Variants in TRAPPC11 observed in about 807,000 individuals in gnomAD.
TRAPPC11 encodes foie gras homolog.
In TRAPPC11, 104 loss-of-function variants were observed where a neutral mutation model predicts 151.2. The ratio of observed to expected loss-of-function variants is 0.69; its 90% CI spans 0.59 to 0.81. TRAPPC11 has a LOEUF of 0.81. Ranked by LOEUF, TRAPPC11 falls within the 30% of genes least tolerant of loss-of-function variation. The pLI is 0.00. For missense variants in TRAPPC11, 1,230 were observed against 1,349.6 expected (o/e 0.91, Z 1.39); for synonymous variants, 456 against 472.3 (o/e 0.97, Z 0.45).
chr4:183,697,860 A>T, intron 25 of TRAPPC11, 25 bp downstream of exon 25: 1 of 1,604,400 alleles, frequency 6.2e-7, no homozygotes. Flanking sequence ...TTCCCACTTA[A>T]AGACCAGGAG....
intron 4 of TRAPPC11, 42 bp downstream of exon 4, chr4:183,667,172 C>G: frequency 6.7e-7 from 1 of 1,487,980 alleles, no homozygotes; most frequent in East Asian, 2.3e-5. Flanking sequence ...TTTATACCTC[C>G]AATTCTTATT....
intron 29 of TRAPPC11, among the ~76,000 whole-genome samples, chr4:183,712,170 A>C (rs560743734): frequency 6.6e-6 from 1 of 152,238 alleles, no homozygotes; most frequent in Non-Finnish European, 1.5e-5. Context: ...GGACCTGCTT[A>C]AAGCTTGAGA....
intron 8 of TRAPPC11, among the ~76,000 whole-genome samples, chr4:183,677,975 T>C (rs1735495802): frequency 6.6e-6 from 1 of 151,564 alleles, no homozygotes; most frequent in Non-Finnish European, 1.5e-5. Context: ...AGTTTTGCTC[T>C]GTTGCCAGGC....
intron 17 of TRAPPC11, 113 bp from the exon 18 acceptor site, chr4:183,686,505 T>C: frequency 8.3e-7 from 1 of 1,204,336 alleles, no homozygotes; most frequent in South Asian, 1.7e-5. Flanking sequence ...CAGAAGTCAG[T>C]AAGAATGGTC....
At chr4:183,679,289 A>C (rs1401891824) in intron 8 of TRAPPC11, 64 bp from the exon 9 acceptor site, 1 of 1,398,888 alleles carries the variant, frequency 7.1e-7, no homozygotes, top group Non-Finnish European at 9.5e-7. Flanking sequence ...AATAGTTTTT[A>C]AATGAATATG....
chr4:183,689,496 G>A (rs1033072193), intron 18 of TRAPPC11, among the ~76,000 whole-genome samples: 1 of 152,028 alleles, frequency 6.6e-6, no homozygotes, highest in African/African-American at 2.4e-5. Context: ...TGGTTTCACC[G>A]TTGTCTGTGT....
intron 1 of TRAPPC11, among the ~76,000 whole-genome samples, chr4:183,660,366 C>G (rs897515148): frequency 1.3e-5 from 2 of 152,034 alleles, no homozygotes; most frequent in Non-Finnish European, 2.9e-5. Flanking sequence ...GAAATACACA[C>G]CAGATTTTGA....
At chr4:183,664,624 C>T (rs184300289) in intron 2 of TRAPPC11, among the ~76,000 whole-genome samples, 8 of 152,086 alleles carry the variant, frequency 5.3e-5, no homozygotes, top group East Asian at 3.9e-4. Context: ...ATAGTAAAGA[C>T]GACTTTACCT....
chr4:183,679,565 A>G (rs1480010263), intron 9 of TRAPPC11, 79 bp downstream of exon 9: 49 of 1,289,554 alleles, frequency 3.8e-5, no homozygotes, highest in Non-Finnish European at 4.7e-5. Context: ...CTTTGGTTCT[A>G]AAACTGAACC....
At chr4:183,708,687 C>A in intron 29 of TRAPPC11, 113 bp downstream of exon 29, 1 of 983,556 alleles carries the variant, frequency 1.0e-6, no homozygotes, top group Non-Finnish European at 1.5e-6. Flanking sequence ...GATAGTTTTG[C>A]CTTTTATTAT....
intron 4 of TRAPPC11, among the ~76,000 whole-genome samples, chr4:183,667,796 C>G (rs1734958485): frequency 6.6e-6 from 1 of 152,172 alleles, no homozygotes; most frequent in African/African-American, 2.4e-5. Context: ...GTAGAAAATT[C>G]CACAGTGTTT....
At chr4:183,681,546 T>A (rs1037218627) in intron 10 of TRAPPC11, among the ~76,000 whole-genome samples, 1 of 152,152 alleles carries the variant, frequency 6.6e-6, no homozygotes, top group Non-Finnish European at 1.5e-5. Context: ...TTTGGGAGGC[T>A]GAGGTGGGCA....
chr4:183,702,817 A>G (rs1056141487), intron 26 of TRAPPC11, among the ~76,000 whole-genome samples: 1 of 152,182 alleles, frequency 6.6e-6, no homozygotes, highest in Non-Finnish European at 1.5e-5. Flanking sequence ...CAGAAATTTT[A>G]AAACAGGGAA....
chr4:183,707,484 A>G (rs1737132826), intron 28 of TRAPPC11, among the ~76,000 whole-genome samples: 1 of 152,200 alleles, frequency 6.6e-6, no homozygotes, highest in South Asian at 2.1e-4. Context: ...TTAAATGAGC[A>G]AACAAAATAC....
At chr4:183,710,401 C>T (rs992842008) in intron 29 of TRAPPC11, among the ~76,000 whole-genome samples, 1 of 152,058 alleles carries the variant, frequency 6.6e-6, no homozygotes, top group East Asian at 2.0e-4. Context: ...ATTCTCCTGC[C>T]TCAGCCTCCC....
chr4:183,700,161 AT>A lies in TRAPPC11; in HGVS notation c.2852-1534del, dbSNP rs1579217565. Among the ~76,000 whole-genome samples the A allele has an allele frequency of 2.0e-5, 3 of 152,176 alleles. No homozygotes were observed. The East Asian group carries it at 5.8e-4, about 29-fold the overall frequency. Reference sequence around the variant, plus strand: ...TGACCGTTTTATTTAACTTCTTACAATTAAGGAGAACTTTGGTAGAGTTTAA... The same window carrying A: ...TGACCGTTTTATTTAACTTCTTACAATAAGGAGAACTTTGGTAGAGTTTAA... On this transcript the variant is annotated intron_variant, in intron 25 of 29. Coordinates refer to ENST00000334690, the MANE Select transcript of TRAPPC11 (RefSeq NM_021942.6).
At chr4:183,666,509 C>CTACG in intron 3 of TRAPPC11, 83 bp downstream of exon 3, 1 of 1,389,778 alleles carries the variant, frequency 7.2e-7, no homozygotes, top group South Asian at 1.4e-5. Context: ...AATGGAGTAC[C>CTACG]GTTCAGACTG....
In TRAPPC11 at chr4:183,697,755, C is replaced by T; in HGVS notation, c.2771C>T (p.Ala924Val). The change falls in exon 25 of 30, where the codon GCC (alanine) becomes GTC (valine). Residue 924 changes from alanine to valine, a missense_variant. By Grantham distance (64) the Ala-to-Val change is moderately conservative. Coordinates refer to ENST00000334690, the MANE Select transcript of TRAPPC11 (RefSeq NM_021942.6). ...GACCTCTTAAGTGCCTCACCCTGGGCCCTCACTATTGTTTCCAGTGAGCTC... is the reference window on the plus strand; with the variant it reads ...GACCTCTTAAGTGCCTCACCCTGGGTCCTCACTATTGTTTCCAGTGAGCTC... Reference protein sequence around the residue: ...MTDLLSASPWALTIVSSELQL... With the variant: ...MTDLLSASPWVLTIVSSELQL... The T allele has an allele frequency of 6.2e-7, 1 of 1,614,128 alleles. No individual in the cohort carries two copies.
intron 26 of TRAPPC11, 53 bp downstream of exon 26, chr4:183,701,861 C>A (rs1736818619): frequency 1.6e-5 from 19 of 1,152,848 alleles, no homozygotes; most frequent in Non-Finnish European, 2.5e-5. Flanking sequence ...TATTCTCATA[C>A]CTTTATTATT....
Sources: gnomAD v4.1 joint callset for allele counts (sites outside exome capture counted in the v4.1 genomes callset) on GRCh38, gnomAD v4.1.1 for gene constraint, MANE v1.5 for transcripts, NCBI Gene and HGNC (gene_info 2026-07-23, HGNC 2026-07-21) for gene names.